The following RAB6A variants were observed in gnomAD, a reference collection of about 807,000 sequenced individuals.
The protein encoded by RAB6A is RAB6A, member RAS oncogene family, also known as ras-related protein Rab-6A.
In RAB6A, 8 loss-of-function variants were observed where a neutral mutation model predicts 32.3. The ratio of observed to expected loss-of-function variants is 0.25; its 90% CI spans 0.15 to 0.45. The LOEUF (loss-of-function observed/expected upper bound fraction) is 0.45, where lower values mean the gene tolerates loss of function less well. RAB6A is among the 20% of genes least tolerant of loss of function. The pLI is 1.00. For synonymous variants in RAB6A, 73 were observed against 82.1 expected, an observed-to-expected ratio of 0.89 and a Z score of 0.60; for missense variants, 104 against 249.4, an observed-to-expected ratio of 0.42 and a Z score of 3.93.
At chr11:73,680,872 GT>G (rs1450956308) in intron 6 of RAB6A, among the ~76,000 whole-genome samples, 17 of 152,122 alleles carry the variant, frequency 1.1e-4, no homozygotes, top group African/African-American at 3.9e-4. Context: ...GCTATGAAAA[GT>G]TATCTTCAAC....
intron 5 of RAB6A, among the ~76,000 whole-genome samples, chr11:73,710,603 G>A (rs183493748): frequency 2.6e-4 from 39 of 152,002 alleles, no homozygotes; most frequent in African/African-American, 6.7e-4. Flanking sequence ...TGGGTGTGGC[G>A]GTGCATCCCT....
chr11:73,702,530 T>TA (rs201339335), intron 6 of RAB6A, among the ~76,000 whole-genome samples: 6 of 152,104 alleles, frequency 3.9e-5, no homozygotes, highest in East Asian at 3.9e-4. Flanking sequence ...CTGATAACTG[T>TA]AAAAAAAATT....
chr11:73,687,087 C>A (rs904244972), intron 6 of RAB6A, among the ~76,000 whole-genome samples: 17 of 152,006 alleles, frequency 1.1e-4, no homozygotes, highest in African/African-American at 3.9e-4. Flanking sequence ...AATATGGATG[C>A]ATCTTGAGGA....
chr11:73,706,096 T>A (rs970756169), intron 6 of RAB6A, among the ~76,000 whole-genome samples: 15 of 152,188 alleles, frequency 9.9e-5, no homozygotes, highest in African/African-American at 3.4e-4. Flanking sequence ...TTACTTACAT[T>A]ATGATTCAAG....
At chr11:73,712,531 A>C (rs898882424) in intron 5 of RAB6A, among the ~76,000 whole-genome samples, 1 of 151,878 alleles carries the variant, frequency 6.6e-6, no homozygotes, top group Non-Finnish European at 1.5e-5. Flanking sequence ...TTGTATTTTT[A>C]GTAGAGACGA....
At chr11:73,725,878 C>A (rs1040224319) in intron 2 of RAB6A, among the ~76,000 whole-genome samples, 3 of 152,150 alleles carry the variant, frequency 2.0e-5, no homozygotes, top group African/African-American at 7.2e-5. Context: ...AAGGGCCAGG[C>A]GCGGTGGCTC....
intron 1 of RAB6A, among the ~76,000 whole-genome samples, chr11:73,737,773 T>A (rs1245629187): frequency 6.6e-6 from 1 of 151,878 alleles, no homozygotes; most frequent in Non-Finnish European, 1.5e-5. Context: ...GGCGGGTGGA[T>A]CATGAGGTCA....
intron 6 of RAB6A, among the ~76,000 whole-genome samples, chr11:73,703,790 C>A (rs1178610473): frequency 6.6e-6 from 1 of 151,318 alleles, no homozygotes; most frequent in East Asian, 2.0e-4. Flanking sequence ...GTAAGAAGGG[C>A]TGGGCGCCGT....
At chr11:73,687,969 T>C (rs1945485971) in intron 6 of RAB6A, among the ~76,000 whole-genome samples, 1 of 152,238 alleles carries the variant, frequency 6.6e-6, no homozygotes, top group African/African-American at 2.4e-5. Flanking sequence ...TCAGTAATAC[T>C]ACAGAAGAGA....
intron 6 of RAB6A, among the ~76,000 whole-genome samples, chr11:73,702,607 A>G (rs1945763913): frequency 6.6e-6 from 1 of 152,242 alleles, no homozygotes; most frequent in Non-Finnish European, 1.5e-5. Context: ...AACTTGTCTC[A>G]ATAAATTACA....
rs1165012362 is a variant in RAB6A at position 73,677,232 on chromosome 11, T to C, written c.*666A>G. ...TACTCAGTATGTTCTTTAGGACTCA[T>C]TTTGAAGATGCACCAGGAGCCTTTT... is the stretch of plus-strand genomic sequence containing the variant. On this transcript the variant is annotated 3_prime_UTR_variant, in exon 8 of 8. Transcript: ENST00000336083. 1 of 167,482 alleles carries C rather than the reference T, an allele frequency of 6.0e-6. No homozygotes were observed. Among genetic ancestry groups the C allele is most frequent in the Non-Finnish European group, 1.5e-5 (1 of 68,408 alleles). 10.4% of individuals were successfully genotyped at this position (167,482 alleles called of 1,614,324 possible). A position where few individuals can be genotyped will look rare whatever the true frequency, so the allele number is the denominator to read the frequency against.
At position 73,711,563 on chromosome 11, in the gene RAB6A, T is replaced by C. The variant is rs1377131260; in HGVS notation, c.402-4050A>G. Among the ~76,000 whole-genome samples, 4 of 152,332 alleles carry C rather than the reference T, an allele frequency of 2.6e-5. No homozygotes were observed. The East Asian group carries it at 7.7e-4, about 29-fold the overall frequency. On this transcript the variant is annotated intron_variant, in intron 5 of 7. Coordinates refer to ENST00000336083, the MANE Select transcript of RAB6A (RefSeq NM_198896.2). The stretch of plus-strand genomic sequence containing the variant: ...AGATATTACAAATAGTGCTAGGTAT[T>C]ACAAATAGTGCTATAGGAAATAGAC...
intron 3 of RAB6A, among the ~76,000 whole-genome samples, chr11:73,719,218 T>C (rs1399725874): frequency 6.6e-6 from 1 of 152,118 alleles, no homozygotes; most frequent in East Asian, 1.9e-4. Context: ...AGTAGACTGT[T>C]GATGGTTAAA....
chr11:73,709,437 A>ATATTATTATTATTATTAT (rs3046615), intron 5 of RAB6A, among the ~76,000 whole-genome samples: 21 of 137,132 alleles, frequency 1.5e-4, no homozygotes, highest in South Asian at 2.5e-4. Flanking sequence ...CTCCTTAAGT[A>ATATTATTATTATTATTAT]TATTATTATT....
intron 6 of RAB6A, among the ~76,000 whole-genome samples, chr11:73,681,492 G>A (rs917469648): frequency 7.9e-5 from 12 of 152,188 alleles, no homozygotes; most frequent in Non-Finnish European, 1.6e-4. Flanking sequence ...ACAGAGATAA[G>A]AGACTGGAAC....
At chr11:73,752,389 G>A (rs1946682306) in intron 1 of RAB6A, among the ~76,000 whole-genome samples, 1 of 152,232 alleles carries the variant, frequency 6.6e-6, no homozygotes. Context: ...CCGGGAGGTA[G>A]AGGTTGGAGT....
At chr11:73,727,904 AAATC>A (rs1476453063) in intron 2 of RAB6A, among the ~76,000 whole-genome samples, 1 of 152,230 alleles carries the variant, frequency 6.6e-6, no homozygotes, top group Non-Finnish European at 1.5e-5. Flanking sequence ...ATGACAAATG[AAATC>A]AAGTTTTTAT....
In RAB6A at chr11:73,760,614, C is replaced by T; in HGVS notation, c.22G>A (p.Gly8Arg). The T allele has an allele frequency of 6.2e-7, 1 of 1,611,126 alleles. No homozygotes were observed. Among genetic ancestry groups the T allele is most frequent in the Non-Finnish European group, 8.5e-7 (1 of 1,178,780 alleles). ...AGCTTGAATTTCCTCAGCGGATTCC[C>T]GAAGTCTCCGCCCGTGGACATTGTG... MSTGGDF[G>R]NPLRKFKLVF... is the part of the protein sequence containing the mutation. The change falls in exon 1 of 8, where the codon GGG (glycine) becomes AGG (arginine). Residue 8 changes from glycine (G) to arginine (R), a missense_variant. Transcript: ENST00000336083.
intron 6 of RAB6A, among the ~76,000 whole-genome samples, chr11:73,690,743 C>A (rs111796934): frequency 0.042 from 6,311 of 148,652 alleles, 178 homozygotes; most frequent in Middle Eastern, 0.1. Context: ...AAACGGAATT[C>A]CAGGGTTCTG....
Sources: allele counts gnomAD v4.1 joint callset (sites outside exome capture counted in the v4.1 genomes callset), GRCh38; gene constraint gnomAD v4.1.1; transcripts MANE v1.5; gene names NCBI Gene and HGNC (gene_info 2026-07-23, HGNC 2026-07-21).